ENO4: variants seen among roughly 807,000 people sequenced by gnomAD.
ENO4 encodes enolase 4.
ENO4 carries 53 observed loss-of-function variants against 63.2 expected under a neutral mutation model. The ratio of observed to expected loss-of-function variants is 0.84; its 90% CI spans 0.67 to 1.05. The LOEUF is 1.05. Among genes scored for constraint, ENO4 ranks in the 50% least tolerant of loss-of-function variants. The pLI, the probability that ENO4 is intolerant of heterozygous loss-of-function variation, is 0.00. For missense variants in ENO4, 719 were observed against 772.0 expected (o/e 0.93, Z 0.81); for synonymous variants, 266 against 283.8 (o/e 0.94, Z 0.63).
At chr10:116,854,470 GA>G (rs1305914156) in intron 1 of ENO4, among the ~76,000 whole-genome samples, 1 of 151,518 alleles carries the variant, frequency 6.6e-6, no homozygotes, top group Non-Finnish European at 1.5e-5. Flanking sequence ...TGAGGCAGGA[GA>G]ATCGCTTGAA....
chr10:116,893,319 T>C (rs1589779378), intron 10 of ENO4, among the ~76,000 whole-genome samples: 1 of 152,150 alleles, frequency 6.6e-6, no homozygotes, highest in East Asian at 1.9e-4. Context: ...TAATTGTCCA[T>C]GTACAGGCGC....
At chr10:116,908,338 G>A (rs1027829656) in intron 10 of ENO4, among the ~76,000 whole-genome samples, 1 of 151,896 alleles carries the variant, frequency 6.6e-6, no homozygotes, top group Non-Finnish European at 1.5e-5. Context: ...CACTATAATG[G>A]CTTATTTTAT....
At chr10:116,911,665 C>T in exon 11 of ENO4, 1 of 1,571,386 alleles carries the variant, frequency 6.4e-7, no homozygotes, top group Non-Finnish European at 8.7e-7. Flanking sequence ...AATAAACTGG[C>T]CAAAGATGAG....
At chr10:116,892,429 CACA>C (rs1354280944) in intron 10 of ENO4, among the ~76,000 whole-genome samples, 1 of 152,138 alleles carries the variant, frequency 6.6e-6, no homozygotes, top group East Asian at 1.9e-4. Flanking sequence ...TATAATTCTG[CACA>C]ACATTAAGTC....
chr10:116,852,811 C>T (rs545137658), intron 1 of ENO4, among the ~76,000 whole-genome samples: 2 of 152,246 alleles, frequency 1.3e-5, no homozygotes, highest in South Asian at 2.1e-4. Flanking sequence ...ATCCCAGCTA[C>T]GGCACTGGAC....
intron 10 of ENO4, among the ~76,000 whole-genome samples, chr10:116,875,057 A>AC (rs1240998404): frequency 6.6e-6 from 1 of 152,214 alleles, no homozygotes; most frequent in Non-Finnish European, 1.5e-5. Context: ...GGCTTATGTG[A>AC]CCATCTTTCC....
intron 10 of ENO4, among the ~76,000 whole-genome samples, chr10:116,907,522 C>T (rs936969637): frequency 2.6e-5 from 4 of 152,124 alleles, no homozygotes; most frequent in South Asian, 2.1e-4. Context: ...CTGGCTCTTC[C>T]GGGAAGTATG....
At chr10:116,900,518 C>T in intron 10 of ENO4, 3 of 1,515,902 alleles carry the variant, frequency 2.0e-6, no homozygotes, top group Non-Finnish European at 2.7e-6. Context: ...GAAGGAGTTG[C>T]AGTATTTTCT....
chr10:116,893,617 C>T (rs531916148), intron 10 of ENO4, among the ~76,000 whole-genome samples: 11 of 144,394 alleles, frequency 7.6e-5, no homozygotes, highest in Middle Eastern at 7.1e-3. Flanking sequence ...AGCGGAGAAG[C>T]GGAGGTTATG....
chr10:116,879,003 A>T (rs977146329), intron 11 of ENO4, among the ~76,000 whole-genome samples: 10 of 152,142 alleles, frequency 6.6e-5, no homozygotes. Context: ...TTGGCCTCCC[A>T]AAGTGCTGGG....
intron 4 of ENO4, among the ~76,000 whole-genome samples, chr10:116,859,363 C>T (rs1846349376): frequency 6.6e-6 from 1 of 152,166 alleles, no homozygotes; most frequent in Admixed American, 6.5e-5. Flanking sequence ...GTGATAAATA[C>T]TTATTATTAA....
Position 116,859,009 on chromosome 10 carries a change from G to A in ENO4, c.505G>A (p.Val169Ile). The A allele has an allele frequency of 2.6e-6, 4 of 1,535,136 alleles. No individual in the cohort carries two copies. Among genetic ancestry groups the A allele is most frequent in the Non-Finnish European group, 3.5e-6 (4 of 1,146,348 alleles). The change falls in exon 4 of 14, where the codon GTA becomes ATA. Residue 169 changes from valine (V) to isoleucine (I), a missense_variant. By Grantham distance (29) the Val-to-Ile change is conservative. This residue lies in a region of ENO4 where 544 missense variants were observed against 583.6 expected (regional missense o/e 0.93). Transcript: ENST00000341276. ...HLLRIFFASK[V>I]QEDKGRKELE... Reference sequence around the variant, plus strand: ...ATTAAGGATATTCTTCGCAAGTAAAGTACAAGAAGATAAGGGGAGAAAAGA... The same window carrying A: ...ATTAAGGATATTCTTCGCAAGTAAAATACAAGAAGATAAGGGGAGAAAAGA...
At chr10:116,876,820 G>A (rs1479521984) in intron 11 of ENO4, among the ~76,000 whole-genome samples, 7 of 151,888 alleles carry the variant, frequency 4.6e-5, no homozygotes, top group Admixed American at 2.0e-4. Context: ...GTGTGGTGGC[G>A]GGCGCCTGTA....
chr10:116,875,142 T>C (rs1314621638), intron 10 of ENO4, among the ~76,000 whole-genome samples: 1 of 152,198 alleles, frequency 6.6e-6, no homozygotes, highest in Non-Finnish European at 1.5e-5. Context: ...ATTGAACAGA[T>C]ATATTGAACA....
rs546355527 is a variant in ENO4, at chr10:116,855,880, A to G, written c.294+129A>G. On this transcript the variant is annotated intron_variant, in intron 2 of 13. Coordinates refer to ENST00000341276, the MANE Select transcript of ENO4 (RefSeq NM_001242699.2). ...TGTGAAATATATTTCATAGGTAGTC[A>G]TGTAAGCATGAATCATACCATCAAC... is the stretch of plus-strand genomic sequence containing the variant. 125 of 1,069,402 alleles carry G rather than the reference A, an allele frequency of 1.2e-4. 2 individuals carry two copies. The South Asian group carries it at 2.0e-3, about 17-fold the overall frequency. 66.2% of individuals were successfully genotyped at this position (1,069,402 alleles called of 1,614,324 possible). A position where few individuals can be genotyped will look rare whatever the true frequency, so the allele number is the denominator to read the frequency against.
At position 116,881,647 on chromosome 10, in the gene ENO4, A is replaced by T; in HGVS notation, c.1856A>T (p.Glu619Val). The change falls in exon 14 of 14, where the codon GAA (glutamate) becomes GTA (valine). Residue 619 changes from glutamate (E) to valine (V), a missense_variant. Around this residue, in one of 3 missense-constraint regions of ENO4, gnomAD observed 168 missense variants for 163.3 expected, o/e 1.03. Coordinates refer to ENST00000341276, the MANE Select transcript of ENO4 (RefSeq NM_001242699.2). ...ACACAAGGTGTAGAGGAATCAGCCG[A>T]AACAGGAGCATCCTCTGGATAGGGC... ...FPTQGVEESA[E>V]TGASSG The T allele has an allele frequency of 6.5e-7, 1 of 1,547,130 alleles. No homozygotes were observed. The highest frequency in any genetic ancestry group is 8.7e-7 in the Non-Finnish European group (1 of 1,145,452).
intron 10 of ENO4, among the ~76,000 whole-genome samples, chr10:116,892,305 C>T (rs960688296): frequency 1.3e-5 from 2 of 152,156 alleles, no homozygotes; most frequent in African/African-American, 2.4e-5. Flanking sequence ...TTCAGGAAAC[C>T]GGACTATTCT....
Position 116,879,981 on chromosome 10 carries a change from C to A in ENO4, c.1718C>A (p.Thr573Lys). 6.5e-7 allele frequency: 1 copy of A among 1,543,086 alleles called. No homozygotes were observed. The highest frequency in any genetic ancestry group is 8.8e-7 in the Non-Finnish European group (1 of 1,140,142). ...TIEEELVQNG[T>K]LGFKEEHTFF... ...GAGGAAGAACTTGTCCAGAATGGAA[C>A]ACTGGGTATGCGCTGCTTTCTTGCT... The change falls in exon 13 of 14, where the codon ACA becomes AAA. Residue 573 changes from threonine to lysine, a missense_variant. This residue lies in a region of ENO4 where 168 missense variants were observed against 163.3 expected (regional missense o/e 1.03). Transcript: ENST00000341276.
intron 11 of ENO4, among the ~76,000 whole-genome samples, chr10:116,877,202 C>T (rs551973161): frequency 3.9e-5 from 6 of 152,152 alleles, no homozygotes; most frequent in Admixed American, 2.0e-4. Context: ...ATCACATTAC[C>T]GCAGTATTGT....
Sources: gnomAD v4.1 joint callset for allele counts (sites outside exome capture counted in the v4.1 genomes callset) on GRCh38, gnomAD v4.1.1 for gene constraint, gnomAD v4.1.1 regional missense constraint, MANE v1.5 for transcripts, NCBI Gene and HGNC (gene_info 2026-07-23, HGNC 2026-07-21) for gene names.